Variants in IKBIP observed in about 807,000 individuals in gnomAD.
IKBIP encodes inhibitor of nuclear factor kappa-B kinase-interacting protein.
In IKBIP, 28 loss-of-function variants were observed where a neutral mutation model predicts 31.0. The observed-to-expected ratio is 0.90, with a 90% confidence interval of 0.67 to 1.24. The LOEUF (loss-of-function observed/expected upper bound fraction) is 1.24. Ranked by LOEUF, IKBIP falls within the 50% of genes most tolerant of loss-of-function variation. The probability of loss-of-function intolerance (pLI) is 0.00; values close to 1 mark genes in which losing one functional copy is unlikely to be tolerated. For missense variants in IKBIP, 453 were observed against 441.9 expected (o/e 1.03, Z -0.23); for synonymous variants, 164 against 160.3 (o/e 1.02, Z -0.17).
At chr12:98,613,962 C>T in exon 3 of IKBIP, 5 of 1,613,554 alleles carry the variant, frequency 3.1e-6, no homozygotes, top group Non-Finnish European at 4.2e-6. Flanking sequence ...CGGAGCGTTG[C>T]TGTTCGATCA....
chr12:98,627,439 C>CTTTT, intron 2 of IKBIP, among the ~76,000 whole-genome samples: 1 of 119,632 alleles, frequency 8.4e-6, no homozygotes, highest in Non-Finnish European at 1.7e-5. Flanking sequence ...TTTTCTTTTT[C>CTTTT]TTTTTTTTTT....
Position 98,644,645 on chromosome 12 carries a change from C to T in IKBIP, c.57G>A (p.Glu19=), listed in dbSNP as rs142533643. 315 of 1,611,296 alleles carry T rather than the reference C, an allele frequency of 2.0e-4. 1 individual carries two copies. The African/African-American group carries it at 3.9e-3, about 20-fold the overall frequency. The change falls in exon 1 of 3, where the codon GAG becomes GAA. Residue 19 remains glutamate (E), a synonymous_variant. Transcript: ENST00000299157. ...TCCCGCCCTCGCTCCGCTTCCCGGG[C>T]TCCGCAGCAGGGGCTCCCTTGGGCC... ...KSGPKGAPAA[E]PGKRSEGGKT...
intron 2 of IKBIP, among the ~76,000 whole-genome samples, chr12:98,631,944 C>T (rs2097620531): frequency 1.3e-5 from 2 of 151,490 alleles, no homozygotes; most frequent in Admixed American, 1.3e-4. Flanking sequence ...CAATCTCCAC[C>T]TCCCAGGTTC....
chr12:98,631,916 C>A (rs563772837), intron 2 of IKBIP, among the ~76,000 whole-genome samples: 1 of 151,056 alleles, frequency 6.6e-6, no homozygotes, highest in East Asian at 2.0e-4. Flanking sequence ...AGCACAATGG[C>A]GTGATCTCAG....
intron 1 of IKBIP, among the ~76,000 whole-genome samples, chr12:98,642,185 C>T (rs1441318452): frequency 1.3e-5 from 2 of 152,190 alleles, no homozygotes; most frequent in Admixed American, 6.5e-5. Context: ...TTTATTTAGG[C>T]GAAGTCTCGC....
rs2097636840 is a variant in IKBIP at position 98,644,669 on chromosome 12, C to T, written c.33G>A (p.Gly11=). The T allele has an allele frequency of 1.2e-6, 2 of 1,610,482 alleles. No homozygotes were observed. Among genetic ancestry groups the T allele is most frequent in the South Asian group, 2.2e-5 (2 of 91,064 alleles). ...GCTCCGCAGCAGGGGCTCCCTTGGG[C>T]CCCGACTTCTTCCGGCTCTTCACCT... MSEVKSRKKS[G]PKGAPAAEPG... Residue 11 remains glycine (G), a synonymous_variant, in exon 1 of 3, where the codon GGG becomes GGA. Transcript: ENST00000299157.
At chr12:98,623,073 G>A (rs1442604331), downstream of IKBIP, among the ~76,000 whole-genome samples, 1 of 150,456 alleles carries the variant, frequency 6.6e-6, no homozygotes, top group Non-Finnish European at 1.5e-5. Flanking sequence ...TCTGCCTCCC[G>A]GTTCAAGTGA....
exon 3 of IKBIP, chr12:98,613,642 G>T: frequency 6.4e-7 from 1 of 1,567,658 alleles, no homozygotes; most frequent in Non-Finnish European, 8.7e-7. Flanking sequence ...TCTCAGCTTG[G>T]ACTATTGTTA....
At chr12:98,623,250 T>C (rs369922852), downstream of IKBIP, among the ~76,000 whole-genome samples, 6 of 151,110 alleles carry the variant, frequency 4.0e-5, no homozygotes, top group East Asian at 1.2e-3. Context: ...AGTGCTGGGA[T>C]TACAGGGGTG....
exon 3 of IKBIP, chr12:98,614,268 C>T: frequency 6.2e-7 from 1 of 1,610,162 alleles, no homozygotes; most frequent in Non-Finnish European, 8.5e-7. Context: ...TTAATTTCTT[C>T]CTGTAGACGC....
chr12:98,614,878 GAAATTACATTTTTT>G (rs2097605424), intron 2 of IKBIP, among the ~76,000 whole-genome samples: 1 of 152,084 alleles, frequency 6.6e-6, no homozygotes, highest in African/African-American at 2.4e-5. Context: ...AATGTCCCTG[GAAATTACATTTTTT>G]ACATTATAAT....
chr12:98,632,512 AATATAT>A (rs71436924), intron 2 of IKBIP, among the ~76,000 whole-genome samples: 309 of 22,750 alleles, frequency 0.014, 12 homozygotes, highest in African/African-American at 0.036. Flanking sequence ...AAAAAAAAAA[AATATAT>A]ATATATATAT....
rs1373522756 is a variant in IKBIP, at chr12:98,624,662, AAAATC to A, written c.*1263_*1267del. 1 of 885,790 alleles carries A rather than the reference AAAATC, an allele frequency of 1.1e-6. No homozygotes were observed. Among genetic ancestry groups the A allele is most frequent in the Non-Finnish European group, 1.4e-6 (1 of 739,416 alleles). 54.9% of individuals were successfully genotyped at this position (885,790 alleles called of 1,614,324 possible). A position where few individuals can be genotyped will look rare whatever the true frequency, so the allele number is the denominator to read the frequency against. On this transcript the variant is annotated 3_prime_UTR_variant, in exon 3 of 3. Transcript: ENST00000299157. ...TACATTATATAATTTCAAATAAAAT[AAAATC>A]AATTCATAAAACAAATTTAGTGGTG...
At chr12:98,620,113 T>TTTC (rs371039312), downstream of IKBIP, among the ~76,000 whole-genome samples, 1 of 143,472 alleles carries the variant, frequency 7.0e-6, no homozygotes. Flanking sequence ...TTTTTTTTTT[T>TTTC]AGTAGAGACG....
At chr12:98,633,267 T>A (rs3847874) in intron 2 of IKBIP, among the ~76,000 whole-genome samples, 131,587 of 152,104 alleles carry the variant, frequency 0.87, 57,162 homozygotes, top group African/African-American at 0.94. Flanking sequence ...GTACCCAGAA[T>A]AGGCCTACAT....
chr12:98,617,533 T>G (rs1037275066), intron 2 of IKBIP, among the ~76,000 whole-genome samples: 96 of 152,328 alleles, frequency 6.3e-4, no homozygotes, highest in African/African-American at 2.2e-3. Flanking sequence ...TATTTGACAT[T>G]TTATTGCATT....
rs1239346339 is a variant in IKBIP at position 98,614,184 on chromosome 12, G to A, written c.454C>T (p.Gln152Ter). The stretch of plus-strand genomic sequence containing the variant: ...CTTTGGTCTACTTTTGTAATGTCTT[G>A]AGAAAGCGTCGTCAGACTGTTGTTC... Residue 152 changes from glutamine to a stop codon, truncating the protein, a stop_gained, in exon 3 of 3, where the codon CAA becomes TAA. Coordinates refer to the IKBIP transcript ENST00000342502. LOFTEE classifies it high-confidence loss of function. The A allele has an allele frequency of 6.2e-7, 1 of 1,613,890 alleles. No homozygotes were observed. The highest frequency in any genetic ancestry group is 1.1e-5 in the South Asian group (1 of 91,074).
chr12:98,614,615 C>T (rs1409909780), intron 2 of IKBIP, among the ~76,000 whole-genome samples: 8 of 151,830 alleles, frequency 5.3e-5, no homozygotes, highest in East Asian at 1.9e-4. Context: ...TTAGTAGAGA[C>T]GGGTCTTCAC....
In IKBIP at chr12:98,626,245, C is replaced by A; in HGVS notation, c.819G>T (p.Leu273Phe). ...AGTGAATAGCACTTTCAATTGTTGG[C>A]AAATGTGTCTTGCATTCTTCAACTT... ...EPKVEECKTH[L>F]PTIESAIHSV... The change falls in exon 3 of 3, where the codon TTG (leucine) becomes TTT (phenylalanine). Residue 273 changes from leucine (L) to phenylalanine (F), a missense_variant. Leu to Phe is a conservative substitution (Grantham distance 22). Coordinates refer to ENST00000299157, the MANE Select transcript of IKBIP (RefSeq NM_153687.4). 1.2e-6 allele frequency: 2 copies of A among 1,614,156 alleles called. No homozygotes were observed. The highest frequency in any genetic ancestry group is 1.7e-6 in the Non-Finnish European group (2 of 1,180,006).
Sources: gnomAD v4.1 joint callset for allele counts (sites outside exome capture counted in the v4.1 genomes callset) on GRCh38, gnomAD v4.1.1 for gene constraint, MANE v1.5 for transcripts, NCBI Gene and HGNC (gene_info 2026-07-23, HGNC 2026-07-21) for gene names.